SRGAP3: variants seen among roughly 807,000 people sequenced by gnomAD.
The protein encoded by SRGAP3 is SLIT-ROBO Rho GTPase activating protein 3.
Under a neutral mutation model 121.1 loss-of-function variants are expected in SRGAP3, and 39 were observed. The observed-to-expected ratio is 0.32, with a 90% CI of 0.25 to 0.42. SRGAP3 has a LOEUF of 0.42. SRGAP3 is among the 10% of genes least tolerant of loss of function. The pLI is 1.00. For synonymous variants in SRGAP3, 601 were observed against 570.0 expected, an observed-to-expected ratio of 1.05 and a Z score of -0.77; for missense variants, 1,213 against 1,470.6, an observed-to-expected ratio of 0.82 and a Z score of 2.86.
At chr3:9,276,120 T>C (rs1954571438) in intron 3 of SRGAP3, among the ~76,000 whole-genome samples, 1 of 152,160 alleles carries the variant, frequency 6.6e-6, no homozygotes, top group Non-Finnish European at 1.5e-5. Context: ...ATTATCACCA[T>C]CAAGACTTAG....
chr3:9,074,023 T>G (rs1235228228), intron 4 of SRGAP3, among the ~76,000 whole-genome samples: 1 of 152,160 alleles, frequency 6.6e-6, no homozygotes, highest in South Asian at 2.1e-4. Flanking sequence ...TTTAACCAAG[T>G]GTATGTATCT....
At chr3:9,046,124 TA>T (rs1248852503) in intron 10 of SRGAP3, among the ~76,000 whole-genome samples, 1 of 137,180 alleles carries the variant, frequency 7.3e-6, no homozygotes, top group African/African-American at 2.7e-5. Context: ...TCCTACCCCC[TA>T]GTCAATGAGT....
Position 9,016,358 on chromosome 3 carries a change from G to C in SRGAP3, c.1679-627C>G, listed in dbSNP as rs1027619417. ...TTGCTAGTTTGTTTTTTACAATCTC[G>C]GCTCTTTCTGAAGAGCCCTGGCCAG... On this transcript the variant is annotated intron_variant, in intron 14 of 21. Coordinates refer to ENST00000383836, the MANE Select transcript of SRGAP3 (RefSeq NM_014850.4). Among the ~76,000 whole-genome samples the C allele has an allele frequency of 2.0e-5, 3 of 151,572 alleles. No homozygotes were observed. The South Asian group carries it at 6.2e-4, about 32-fold the overall frequency.
chr3:9,326,216 T>C (rs574208123), intron 2 of SRGAP3: 5 of 152,062 alleles, frequency 3.3e-5, no homozygotes, highest in Admixed American at 3.3e-4. Flanking sequence ...AAGCTTTATT[T>C]ACCTGGTGAA....
chr3:9,362,748 A>G (rs1331835058), intron 1 of SRGAP3: 2 of 152,182 alleles, frequency 1.3e-5, no homozygotes, highest in Non-Finnish European at 2.9e-5. Flanking sequence ...CGGTGTCTCC[A>G]GCTTTAAAAC....
At chr3:9,292,016 T>C (rs529014692) in intron 3 of SRGAP3, among the ~76,000 whole-genome samples, 2 of 152,312 alleles carry the variant, frequency 1.3e-5, no homozygotes, top group East Asian at 3.9e-4. Flanking sequence ...CTGAGTGTTT[T>C]CCCATGATGT....
chr3:9,309,696 C>T (rs996282613), intron 3 of SRGAP3, among the ~76,000 whole-genome samples: 2 of 152,082 alleles, frequency 1.3e-5, no homozygotes, highest in African/African-American at 4.8e-5. Context: ...CCCATCTCTA[C>T]AAAAATTTGA....
At chr3:9,190,143 GTC>G (rs1442868897) in intron 1 of SRGAP3, among the ~76,000 whole-genome samples, 2 of 152,180 alleles carry the variant, frequency 1.3e-5, no homozygotes, top group Non-Finnish European at 2.9e-5. Flanking sequence ...ACAGAACTGG[GTC>G]TAGAAACATC....
chr3:9,286,491 T>C (rs529044935), intron 3 of SRGAP3, among the ~76,000 whole-genome samples: 1 of 152,102 alleles, frequency 6.6e-6, no homozygotes, highest in African/African-American at 2.4e-5. Context: ...CAAGACCCCA[T>C]CTCTATTTTT....
chr3:9,269,117 T>C (rs986932841), intron 3 of SRGAP3, among the ~76,000 whole-genome samples: 1 of 152,214 alleles, frequency 6.6e-6, no homozygotes, highest in African/African-American at 2.4e-5. Context: ...TCACAGGTCA[T>C]ATCTTGAAAG....
At chr3:9,092,777 C>T (rs1381465378) in intron 3 of SRGAP3, among the ~76,000 whole-genome samples, 2 of 152,150 alleles carry the variant, frequency 1.3e-5, no homozygotes, top group Non-Finnish European at 2.9e-5. Flanking sequence ...TACAGTGCCC[C>T]GTGCCATTTT....
chr3:9,126,249 G>A (rs1361474641), intron 1 of SRGAP3, among the ~76,000 whole-genome samples: 1 of 152,148 alleles, frequency 6.6e-6, no homozygotes, highest in African/African-American at 2.4e-5. Flanking sequence ...ACAGGAAAAA[G>A]AGCAACTGCT....
intron 17 of SRGAP3, among the ~76,000 whole-genome samples, chr3:9,011,333 T>G (rs993071298): frequency 6.6e-6 from 1 of 152,158 alleles, no homozygotes; most frequent in African/African-American, 2.4e-5. Context: ...GCAATGCCAT[T>G]TAAAGGAATA....
intron 1 of SRGAP3, among the ~76,000 whole-genome samples, chr3:9,181,913 G>A (rs1951416057): frequency 6.6e-6 from 1 of 152,048 alleles, no homozygotes; most frequent in South Asian, 2.1e-4. Context: ...GGTGGCTCAC[G>A]CCTGTAATCC....
chr3:8,989,469 A>C (rs1166454261), intron 21 of SRGAP3, among the ~76,000 whole-genome samples: 1 of 152,186 alleles, frequency 6.6e-6, no homozygotes, highest in Non-Finnish European at 1.5e-5. Context: ...CCTCTAGAAC[A>C]CAGCTCATGA....
intron 2 of SRGAP3, among the ~76,000 whole-genome samples, chr3:9,120,916 T>C (rs1948982613): frequency 1.3e-5 from 2 of 152,208 alleles, no homozygotes; most frequent in African/African-American, 4.8e-5. Flanking sequence ...CAGTGCGTAT[T>C]CCTGGGCAGC....
At chr3:9,016,344 T>C (rs1297949024) in intron 14 of SRGAP3, among the ~76,000 whole-genome samples, 1 of 152,222 alleles carries the variant, frequency 6.6e-6, no homozygotes, top group Non-Finnish European at 1.5e-5. Context: ...TGCTAGTTTG[T>C]TTTTTACAAT....
At chr3:9,102,488 A>G (rs960928097) in intron 3 of SRGAP3, among the ~76,000 whole-genome samples, 9 of 152,220 alleles carry the variant, frequency 5.9e-5, no homozygotes, top group African/African-American at 2.2e-4. Context: ...GAGGATCCCC[A>G]GTCTGACCAG....
chr3:9,265,808 G>A (rs4536967), intron 3 of SRGAP3, among the ~76,000 whole-genome samples: 4 of 152,086 alleles, frequency 2.6e-5, no homozygotes, highest in Admixed American at 6.5e-5. Flanking sequence ...GTGGAAGACA[G>A]TGTGGCGATT....
Sources: gnomAD v4.1 joint callset for allele counts (sites outside exome capture counted in the v4.1 genomes callset) on GRCh38, gnomAD v4.1.1 for gene constraint, MANE v1.5 for transcripts, NCBI Gene and HGNC (gene_info 2026-07-23, HGNC 2026-07-21) for gene names.